Variants in MMRN1 observed in about 807,000 individuals in gnomAD.
The protein encoded by MMRN1 is multimerin 1, also known as multimerin-1.
A neutral mutation model predicts 100.7 loss-of-function variants in MMRN1; 94 were observed. The observed-to-expected ratio is 0.93, with a 90% CI of 0.79 to 1.11. The LOEUF (loss-of-function observed/expected upper bound fraction) is 1.11, where lower values mean the gene tolerates loss of function less well. Among genes scored for constraint, MMRN1 ranks in the 50% least tolerant of loss-of-function variants. The pLI is 0.00. For synonymous variants in MMRN1, 575 were observed against 505.0 expected (o/e 1.14, Z -1.86); for missense variants, 1,606 against 1,439.1 (o/e 1.12, Z -1.88).
At chr4:89,904,714 T>C (rs1303176597) in intron 1 of MMRN1, among the ~76,000 whole-genome samples, 1 of 151,740 alleles carries the variant, frequency 6.6e-6, no homozygotes, top group Admixed American at 6.6e-5. Flanking sequence ...TCTACCTTTC[T>C]GTTATTGTGA....
intron 1 of MMRN1, among the ~76,000 whole-genome samples, chr4:89,898,251 ATT>A (rs1202002486): frequency 6.6e-6 from 1 of 152,088 alleles, no homozygotes; most frequent in Non-Finnish European, 1.5e-5. Flanking sequence ...GTACTCTACT[ATT>A]GTCAGTGAAT....
intron 5 of MMRN1, among the ~76,000 whole-genome samples, chr4:89,928,993 G>A (rs1474081551): frequency 6.6e-6 from 1 of 152,054 alleles, no homozygotes. Flanking sequence ...GATACAATGG[G>A]ACCACTTGAC....
At chr4:89,898,193 AAAT>A (rs201296240) in intron 1 of MMRN1, among the ~76,000 whole-genome samples, 6 of 152,030 alleles carry the variant, frequency 3.9e-5, no homozygotes, top group Non-Finnish European at 7.4e-5. Flanking sequence ...TTTGATTGGC[AAAT>A]AATAATAATA....
chr4:89,911,671 C>T (rs1318021170), intron 2 of MMRN1, among the ~76,000 whole-genome samples: 1 of 151,140 alleles, frequency 6.6e-6, no homozygotes, highest in East Asian at 1.9e-4. Flanking sequence ...GAAGTATTAT[C>T]AAGAGAAAAG....
intron 6 of MMRN1, among the ~76,000 whole-genome samples, chr4:89,946,923 G>T (rs1458001896): frequency 6.6e-6 from 1 of 152,068 alleles, no homozygotes; most frequent in Non-Finnish European, 1.5e-5. Flanking sequence ...TAAAAAAAAT[G>T]GACAGGAAGG....
At chr4:89,903,062 G>C (rs1316322520) in intron 1 of MMRN1, among the ~76,000 whole-genome samples, 1 of 151,792 alleles carries the variant, frequency 6.6e-6, no homozygotes, top group African/African-American at 2.4e-5. Context: ...AATATCAAAT[G>C]TCTAATGCTT....
chr4:89,916,839 A>G (rs767990836), intron 3 of MMRN1, among the ~76,000 whole-genome samples: 3 of 151,706 alleles, frequency 2.0e-5, no homozygotes, highest in Non-Finnish European at 4.4e-5. Context: ...ACATTTTCCA[A>G]GATCACATGA....
chr4:89,892,914 T>C (rs1038480611), upstream of MMRN1, among the ~76,000 whole-genome samples: 9 of 152,054 alleles, frequency 5.9e-5, no homozygotes, highest in Admixed American at 3.9e-4. Context: ...GGCAGTTTTG[T>C]AAATCTTCAA....
rs143280923 is a variant in MMRN1, at chr4:89,923,232, A to C, written c.915A>C (p.Gly305=). 9.8e-5 allele frequency: 158 copies of C among 1,614,000 alleles called. No individual in the cohort carries two copies. In the African/African-American group the frequency reaches 1.9e-3, roughly 20 times the overall value. The change falls in exon 4 of 8, where the codon GGA becomes GGC. Residue 305 remains glycine (G), a synonymous_variant. Coordinates refer to ENST00000264790, the MANE Select transcript of MMRN1 (RefSeq NM_007351.3). ...AAAGTCATACAGCTGTTGGCAGAGG[A>C]GTAGCTGAGCAGCAGCAGCAGCAAG... ...QAESHTAVGR[G]VAEQQQQQGC...
chr4:89,884,065 G>A (rs971437691), intron 1 of MMRN1, among the ~76,000 whole-genome samples: 2 of 151,726 alleles, frequency 1.3e-5, no homozygotes, highest in African/African-American at 4.8e-5. Context: ...ATTTTGTCCC[G>A]GTGCTCTATT....
intron 3 of MMRN1, among the ~76,000 whole-genome samples, chr4:89,912,318 C>CAACAAGCT (rs1721780766): frequency 1.3e-5 from 2 of 151,158 alleles, no homozygotes; most frequent in South Asian, 4.1e-4. Flanking sequence ...TTATTCTTAA[C>CAACAAGCT]AACAAGCTAT....
At chr4:89,898,529 T>C (rs1414067547) in intron 1 of MMRN1, among the ~76,000 whole-genome samples, 3 of 151,842 alleles carry the variant, frequency 2.0e-5, no homozygotes, top group Non-Finnish European at 4.4e-5. Context: ...TCACAGGCTA[T>C]TGGTTGCCTC....
At chr4:89,914,175 A>G (rs1721842019) in intron 3 of MMRN1, among the ~76,000 whole-genome samples, 1 of 151,442 alleles carries the variant, frequency 6.6e-6, no homozygotes, top group Admixed American at 6.6e-5. Context: ...AAGATCTTCT[A>G]AATATGCAGG....
intron 4 of MMRN1, among the ~76,000 whole-genome samples, chr4:89,924,459 C>T (rs909431553): frequency 2.6e-5 from 4 of 151,828 alleles, no homozygotes; most frequent in African/African-American, 9.7e-5. Context: ...AAATGTATTC[C>T]TGCAAATATA....
chr4:89,910,294 G>A (rs1421556802), intron 2 of MMRN1, among the ~76,000 whole-genome samples: 4 of 151,262 alleles, frequency 2.6e-5, no homozygotes, highest in South Asian at 2.1e-4. Flanking sequence ...TTGCCAATAC[G>A]AGACACAAAG....
chr4:89,909,913 T>C (rs934670939), intron 2 of MMRN1, among the ~76,000 whole-genome samples: 4 of 151,448 alleles, frequency 2.6e-5, no homozygotes, highest in Non-Finnish European at 4.4e-5. Flanking sequence ...CATTTGATTA[T>C]CATTTTTTAA....
intron 3 of MMRN1, among the ~76,000 whole-genome samples, chr4:89,914,034 T>C (rs1199581008): frequency 1.3e-5 from 2 of 151,452 alleles, no homozygotes; most frequent in Non-Finnish European, 3.0e-5. Context: ...CTGAATTTTC[T>C]ATTAGTGCAA....
rs372841987 is a variant in MMRN1, at chr4:89,901,154, G to GAAAAA, written c.623+5574_623+5578dup. Among the ~76,000 whole-genome samples the GAAAAA allele has an allele frequency of 4.0e-3, 450 of 112,130 alleles. 6 individuals are homozygous for GAAAAA. Among genetic ancestry groups the GAAAAA allele is most frequent in the African/African-American group, 0.013 (433 of 32,860 alleles). 73.6% of individuals were successfully genotyped at this position (112,130 alleles called of 152,430 possible). ...CAACTCAATTAAGGAGGGCTTTTAT[G>GAAAAA]AAAAAAAAAAAAAAAAAAGGAGAAA... On this transcript the variant is annotated intron_variant, in intron 1 of 7. Transcript: ENST00000264790.
At chr4:89,879,827 A>G (rs1720782460) in intron 1 of MMRN1, among the ~76,000 whole-genome samples, 1 of 152,200 alleles carries the variant, frequency 6.6e-6, no homozygotes. Context: ...GAATTCAACA[A>G]GACATGTGAA....
Sources: gnomAD v4.1 joint callset for allele counts (sites outside exome capture counted in the v4.1 genomes callset) on GRCh38, gnomAD v4.1.1 for gene constraint, MANE v1.5 for transcripts, NCBI Gene and HGNC (gene_info 2026-07-23, HGNC 2026-07-21) for gene names.